The following USP48 variants were observed in gnomAD, a reference collection of about 807,000 sequenced individuals.
The protein encoded by USP48 is ubiquitin carboxyl-terminal hydrolase 48.
USP48 carries 43 observed loss-of-function variants against 150.7 expected under a neutral mutation model. The observed-to-expected ratio is 0.29, with a 90% CI of 0.22 to 0.37. The LOEUF is 0.37. Among genes scored for constraint, USP48 ranks in the 10% least tolerant of loss-of-function variants. The pLI, the probability that USP48 is intolerant of heterozygous loss-of-function variation, is 1.00. For synonymous variants in USP48, 396 were observed against 425.9 expected, an observed-to-expected ratio of 0.93 and a Z score of 0.86; for missense variants, 813 against 1,249.6, an observed-to-expected ratio of 0.65 and a Z score of 5.27.
At position 21,687,059 on chromosome 1, in the gene USP48, C is replaced by A. The variant is rs2097582168; in HGVS notation, c.3058+132G>T. 5 of 805,176 alleles carry A rather than the reference C, an allele frequency of 6.2e-6. No individual in the cohort carries two copies. In the Admixed American group the frequency reaches 1.3e-4, roughly 20 times the overall value. 49.9% of individuals were successfully genotyped at this position (805,176 alleles called of 1,614,324 possible). A position where few individuals can be genotyped will look rare whatever the true frequency, so the allele number is the denominator to read the frequency against. On this transcript the variant is annotated intron_variant, in intron 25 of 26. Coordinates refer to ENST00000308271, the MANE Select transcript of USP48 (RefSeq NM_032236.8). Reference sequence around the variant, plus strand: ...CTATGATCTTTTAAGATAATGTATTCTACTGTAACAATATGTGGAAGCTTT... The same window carrying A: ...CTATGATCTTTTAAGATAATGTATTATACTGTAACAATATGTGGAAGCTTT...
intron 25 of USP48, among the ~76,000 whole-genome samples, chr1:21,682,603 G>A (rs554956855): frequency 9.9e-5 from 15 of 152,204 alleles, no homozygotes; most frequent in African/African-American, 3.4e-4. Flanking sequence ...TGGGCCAGGC[G>A]TAGTGGCTCA....
intron 22 of USP48, among the ~76,000 whole-genome samples, chr1:21,700,731 C>T (rs1325957241): frequency 6.8e-6 from 1 of 146,578 alleles, no homozygotes; most frequent in East Asian, 1.9e-4. Flanking sequence ...GAAGCTGAAA[C>T]TTATCTCCAC....
intron 2 of USP48, 54 bp from the exon 3 acceptor site, chr1:21,756,756 A>AT: frequency 6.3e-7 from 1 of 1,594,612 alleles, no homozygotes; most frequent in Non-Finnish European, 8.5e-7. Flanking sequence ...TAAACAACCA[A>AT]TTTCTAAGCA....
chr1:21,723,954 G>T lies in USP48; in HGVS notation c.1592C>A (p.Ser531Tyr), dbSNP rs2097729176. Residue 531 changes from serine (S) to tyrosine (Y), a missense_variant, in exon 12 of 27, where the codon TCT becomes TAT. Coordinates refer to ENST00000308271, the MANE Select transcript of USP48 (RefSeq NM_032236.8). ...PDKISIMKRI[S>Y]EYAADIFYSR... ...ATAGAAAATGTCAGCTGCATATTCA[G>T]ATATCCTCTTCATAATTGATATTTT... The T allele has an allele frequency of 6.2e-7, 1 of 1,614,034 alleles. No individual in the cohort carries two copies. Among genetic ancestry groups the T allele is most frequent in the African/African-American group, 1.3e-5 (1 of 74,916 alleles).
intron 1 of USP48, among the ~76,000 whole-genome samples, chr1:21,773,370 T>C (rs2097887978): frequency 7.1e-6 from 1 of 140,312 alleles, no homozygotes; most frequent in Admixed American, 7.0e-5. Flanking sequence ...GGCAAGTAAA[T>C]ATAAAAAGGA....
rs182446259 is a variant in USP48, at chr1:21,717,928, T to A, written c.1895-2471A>T. Among the ~76,000 whole-genome samples the A allele has an allele frequency of 3.9e-5, 6 of 152,268 alleles. No homozygotes were observed. In the East Asian group the frequency reaches 1.2e-3, roughly 29 times the overall value. On this transcript the variant is annotated intron_variant, in intron 14 of 26. Transcript: ENST00000308271. Reference sequence around the variant, plus strand: ...TCCAGACTGGGCAACAGAGGGAGACTCCGTCTCAAAAACAAAACAAAACAA... The same window carrying A: ...TCCAGACTGGGCAACAGAGGGAGACACCGTCTCAAAAACAAAACAAAACAA...
chr1:21,695,959 T>C (rs1183745803), intron 22 of USP48, among the ~76,000 whole-genome samples: 2 of 152,092 alleles, frequency 1.3e-5, no homozygotes, highest in African/African-American at 4.8e-5. Flanking sequence ...GACTCACTCA[T>C]AAAATATTCT....
intron 19 of USP48, among the ~76,000 whole-genome samples, chr1:21,705,102 G>A (rs993049689): frequency 3.3e-5 from 5 of 152,266 alleles, no homozygotes; most frequent in Admixed American, 1.3e-4. Context: ...TTAAAGTACT[G>A]AAATATGAAT....
intron 26 of USP48, among the ~76,000 whole-genome samples, 167 bp from the exon 27 acceptor site, chr1:21,679,606 C>A (rs990515726): frequency 3.9e-5 from 6 of 152,220 alleles, no homozygotes; most frequent in African/African-American, 1.4e-4. Flanking sequence ...AGACTCCAGG[C>A]TCTCCGCTAA....
chr1:21,742,883 C>A (rs1426505420), intron 8 of USP48, among the ~76,000 whole-genome samples: 1 of 152,140 alleles, frequency 6.6e-6, no homozygotes, highest in Non-Finnish European at 1.5e-5. Flanking sequence ...TCAAAGACAA[C>A]CATGAACAGA....
At chr1:21,688,464 C>T (rs1241876513) in intron 24 of USP48, among the ~76,000 whole-genome samples, 1 of 151,714 alleles carries the variant, frequency 6.6e-6, no homozygotes, top group Non-Finnish European at 1.5e-5. Flanking sequence ...CATGATCCAC[C>T]CACCTCAACC....
intron 3 of USP48, 114 bp downstream of exon 3, chr1:21,756,432 G>T: frequency 7.9e-7 from 1 of 1,261,482 alleles, no homozygotes; most frequent in Non-Finnish European, 1.1e-6. Flanking sequence ...AGTGAACCGA[G>T]ATGGCGCCAC....
intron 23 of USP48, among the ~76,000 whole-genome samples, chr1:21,692,003 C>A (rs1483691426): frequency 6.6e-6 from 1 of 152,172 alleles, no homozygotes; most frequent in African/African-American, 2.4e-5. Flanking sequence ...CACAAATCAA[C>A]CTTGAACTGT....
intron 15 of USP48, 115 bp downstream of exon 15, chr1:21,715,274 A>T (rs1009732376): frequency 6.0e-6 from 4 of 662,894 alleles, no homozygotes; most frequent in Non-Finnish European, 1.0e-5. Flanking sequence ...AAATTCTATT[A>T]AAAAAAATTT....
In USP48 at chr1:21,782,995, C is replaced by T. The variant is rs1461991633; in HGVS notation, c.-38G>A. 1 of 1,486,246 alleles carries T rather than the reference C, an allele frequency of 6.7e-7. No individual in the cohort carries two copies. 92.1% of individuals were successfully genotyped at this position (1,486,246 alleles called of 1,614,324 possible). On this transcript the variant is annotated 5_prime_UTR_variant, in exon 1 of 27. Coordinates refer to ENST00000308271, the MANE Select transcript of USP48 (RefSeq NM_032236.8). ...AGGAACGCCTCCCGAGCCAGACCGC[C>T]GCAGCCGCCGCCGCGGTCTGCACCG...
At chr1:21,699,192 ATT>A (rs71016932) in intron 22 of USP48, among the ~76,000 whole-genome samples, 111 of 63,624 alleles carry the variant, frequency 1.7e-3, no homozygotes, top group South Asian at 4.9e-3. Context: ...ACCACACCTA[ATT>A]TTTTTTTTTT....
chr1:21,692,326 C>A (rs1293152188), intron 23 of USP48, among the ~76,000 whole-genome samples: 1 of 152,094 alleles, frequency 6.6e-6, no homozygotes, highest in Non-Finnish European at 1.5e-5. Flanking sequence ...AAACATCAAG[C>A]AGAGGCATAT....
At position 21,694,988 on chromosome 1, in the gene USP48, T is replaced by C. The variant is rs575749433; in HGVS notation, c.2883+78A>G. On this transcript the variant is annotated intron_variant, in intron 23 of 26. Coordinates refer to ENST00000308271, the MANE Select transcript of USP48 (RefSeq NM_032236.8). Reference sequence around the variant, plus strand: ...AAAAAAACACAGATACATACATATATGTAAATACAGGTGGAAAGCAGGAAT... The same window carrying C: ...AAAAAAACACAGATACATACATATACGTAAATACAGGTGGAAAGCAGGAAT... 52 of 1,453,742 alleles carry C rather than the reference T, an allele frequency of 3.6e-5. 1 individual carries two copies. The South Asian group carries it at 5.9e-4, about 16-fold the overall frequency. 90.1% of individuals were successfully genotyped at this position (1,453,742 alleles called of 1,614,324 possible). A position where few individuals can be genotyped will look rare whatever the true frequency, so the allele number is the denominator to read the frequency against.
At chr1:21,729,352 A>G (rs1431351338) in intron 10 of USP48, among the ~76,000 whole-genome samples, 1 of 152,084 alleles carries the variant, frequency 6.6e-6, no homozygotes, top group Non-Finnish European at 1.5e-5. Context: ...AATGATTCAG[A>G]CTCAGACTGT....
Sources: allele counts gnomAD v4.1 joint callset (sites outside exome capture counted in the v4.1 genomes callset), GRCh38; gene constraint gnomAD v4.1.1; transcripts MANE v1.5; gene names NCBI Gene and HGNC (gene_info 2026-07-23, HGNC 2026-07-21).